The following ADAMTS12 variants were observed in gnomAD, a reference collection of about 807,000 sequenced individuals.
The protein encoded by ADAMTS12 is ADAM metallopeptidase with thrombospondin type 1 motif 12.
ADAMTS12 carries 118 observed loss-of-function variants against 167.8 expected under a neutral mutation model. That is an observed-to-expected ratio of 0.70 (90% CI 0.61 to 0.82). The LOEUF (loss-of-function observed/expected upper bound fraction) is 0.82. ADAMTS12 is among the 40% of genes least tolerant of loss of function. The pLI is 0.00. For missense variants in ADAMTS12, 1,916 were observed against 1,998.8 expected, an observed-to-expected ratio of 0.96 and a Z score of 0.79; for synonymous variants, 704 against 716.9, an observed-to-expected ratio of 0.98 and a Z score of 0.29.
At chr5:33,693,347 C>T (rs10060487) in intron 3 of ADAMTS12, among the ~76,000 whole-genome samples, 6,802 of 152,134 alleles carry the variant, frequency 0.045, 311 homozygotes, top group East Asian at 0.17. Flanking sequence ...GCTGATGAGA[C>T]TTCATTTTTA....
chr5:33,873,341 C>A (rs973793189), intron 2 of ADAMTS12, among the ~76,000 whole-genome samples: 3 of 151,916 alleles, frequency 2.0e-5, no homozygotes, highest in East Asian at 1.9e-4. Context: ...AAATTAAATA[C>A]TTAGATACAT....
chr5:33,864,004 G>A (rs1749718898), intron 2 of ADAMTS12, among the ~76,000 whole-genome samples: 3 of 152,162 alleles, frequency 2.0e-5, no homozygotes, highest in Non-Finnish European at 1.5e-5. Context: ...CTAGCCATAT[G>A]CAGAAAACTG....
chr5:33,762,507 C>CAAAA (rs202200886), intron 2 of ADAMTS12, among the ~76,000 whole-genome samples: 14 of 144,084 alleles, frequency 9.7e-5, no homozygotes, highest in African/African-American at 3.6e-4. Flanking sequence ...GACTCCACCT[C>CAAAA]AAAAAAAAAT....
intron 17 of ADAMTS12, among the ~76,000 whole-genome samples, chr5:33,591,182 G>T (rs187000325): frequency 4.0e-3 from 609 of 151,780 alleles, no homozygotes; most frequent in Middle Eastern, 6.8e-3. Flanking sequence ...CTGTAGTTTG[G>T]ATATGAGTCC....
In ADAMTS12 at chr5:33,524,984, G is replaced by A. The variant is rs1037993654; in HGVS notation, c.*2204C>T. ...GGCCTAGTTTAGTTGGTTGAGGTCA[G>A]TAGGAATCTGAGTTTGTTCCTGAGT... On this transcript the variant is annotated 3_prime_UTR_variant, in exon 24 of 24. Transcript: ENST00000504830. 1 of 152,254 alleles carries A rather than the reference G, an allele frequency of 6.6e-6. No homozygotes were observed. The highest frequency in any genetic ancestry group is 1.5e-5 in the Non-Finnish European group (1 of 68,060). The allele number at this position is 152,254 out of a possible 1,614,324, so 9.4% of individuals were successfully genotyped here.
At chr5:33,822,435 T>C (rs568836221) in intron 2 of ADAMTS12, among the ~76,000 whole-genome samples, 1 of 152,256 alleles carries the variant, frequency 6.6e-6, no homozygotes, top group South Asian at 2.1e-4. Context: ...AGTTTCCTCA[T>C]CTGCAAATGA....
At chr5:33,541,125 TAGAGAAGACC>T (rs1442893497) in intron 22 of ADAMTS12, among the ~76,000 whole-genome samples, 1 of 152,184 alleles carries the variant, frequency 6.6e-6, no homozygotes, top group Non-Finnish European at 1.5e-5. Flanking sequence ...ATAAACAGTG[TAGAGAAGACC>T]TTAAATGACC....
In ADAMTS12 at chr5:33,561,155, C is replaced by A. The variant is rs749864170; in HGVS notation, c.3997G>T (p.Ala1333Ser). 4 of 1,613,980 alleles carry A rather than the reference C, an allele frequency of 2.5e-6. No individual in the cohort carries two copies. Among genetic ancestry groups the A allele is most frequent in the South Asian group, 1.1e-5 (1 of 91,082 alleles). ...CTGCACTCCACCCTTCTCCAGTAGG[C>A]CCCCAGGCCACATGTGGTGGAGCAC... is the stretch of plus-strand genomic sequence containing the variant. Reference protein sequence around the residue: ...SECSTTCGLGAYWRRVECSTQ... With the variant: ...SECSTTCGLGSYWRRVECSTQ... Residue 1333 changes from alanine to serine, a missense_variant, in exon 20 of 24, where the codon GCC (alanine) becomes TCC (serine). By Grantham distance (99) the Ala-to-Ser change is moderately conservative. Coordinates refer to ENST00000504830, the MANE Select transcript of ADAMTS12 (RefSeq NM_030955.4).
rs772113948 is a variant in ADAMTS12, at chr5:33,576,869, G to A, written c.3157C>T (p.Pro1053Ser). 6 of 1,614,080 alleles carry A rather than the reference G, an allele frequency of 3.7e-6. No homozygotes were observed. In the Admixed American group the frequency reaches 6.7e-5, roughly 18 times the overall value. The change falls in exon 19 of 24, where the codon CCT becomes TCT. Residue 1053 changes from proline (P) to serine (S), a missense_variant. Coordinates refer to ENST00000504830, the MANE Select transcript of ADAMTS12 (RefSeq NM_030955.4). ...TSTPAISSPS[P>S]TTASKEGDLG... ...TCTCCTTCTTTGGAGGCTGTGGTAG[G>A]ACTAGGGCTGCTGATTGCTGGAGTG...
intron 17 of ADAMTS12, among the ~76,000 whole-genome samples, chr5:33,591,055 G>T (rs1413240234): frequency 6.7e-6 from 1 of 149,996 alleles, no homozygotes; most frequent in East Asian, 2.0e-4. Context: ...TATTTATGGA[G>T]ATTTTATGTT....
intron 3 of ADAMTS12, among the ~76,000 whole-genome samples, chr5:33,715,948 A>G (rs929241888): frequency 6.6e-6 from 1 of 152,106 alleles, no homozygotes; most frequent in East Asian, 1.9e-4. Context: ...TACTGTTAAT[A>G]AGGGCCCAGG....
At chr5:33,712,543 T>C (rs1292282990) in intron 3 of ADAMTS12, among the ~76,000 whole-genome samples, 2 of 152,058 alleles carry the variant, frequency 1.3e-5, no homozygotes, top group Non-Finnish European at 2.9e-5. Flanking sequence ...AGAGATTCAG[T>C]TGAAGGTACT....
chr5:33,555,580 G>A (rs762970089), intron 20 of ADAMTS12, among the ~76,000 whole-genome samples: 2 of 152,050 alleles, frequency 1.3e-5, no homozygotes, highest in East Asian at 1.9e-4. Context: ...TTCTGAAACC[G>A]GCATGTGTCC....
At chr5:33,883,404 G>A (rs1414511276) in intron 1 of ADAMTS12, among the ~76,000 whole-genome samples, 1 of 147,936 alleles carries the variant, frequency 6.8e-6, no homozygotes, top group Non-Finnish European at 1.5e-5. Flanking sequence ...CTCTGCCTTG[G>A]ATGAAATATG....
At chr5:33,731,190 CTT>C (rs70964414) in intron 3 of ADAMTS12, among the ~76,000 whole-genome samples, 19 of 144,380 alleles carry the variant, frequency 1.3e-4, no homozygotes, top group African/African-American at 1.0e-4. Context: ...TCTTTCTTTT[CTT>C]TTTTTTTTTT....
At chr5:33,682,389 TA>T (rs552551583) in intron 5 of ADAMTS12, among the ~76,000 whole-genome samples, 83 of 152,322 alleles carry the variant, frequency 5.4e-4, no homozygotes, top group African/African-American at 1.9e-3. Flanking sequence ...AGATTTCAAG[TA>T]CTTGGATATG....
chr5:33,697,914 G>A (rs34001351), intron 3 of ADAMTS12, among the ~76,000 whole-genome samples: 52,691 of 152,250 alleles, frequency 0.35, 10,871 homozygotes, highest in Non-Finnish European at 0.47. Context: ...ACCCCTCTGC[G>A]CAAAAGTAAA....
chr5:33,850,680 T>G (rs1006393200), intron 2 of ADAMTS12, among the ~76,000 whole-genome samples: 1 of 152,194 alleles, frequency 6.6e-6, no homozygotes, highest in Non-Finnish European at 1.5e-5. Flanking sequence ...AGGATATTAT[T>G]TCTCACCTTC....
At chr5:33,682,971 G>A in intron 5 of ADAMTS12, 47 bp downstream of exon 5, 2 of 1,510,216 alleles carry the variant, frequency 1.3e-6, no homozygotes, top group Non-Finnish European at 1.8e-6. Context: ...AAAGAAGGTA[G>A]GAAGTGCGAG....
Sources: allele counts gnomAD v4.1 joint callset (sites outside exome capture counted in the v4.1 genomes callset), GRCh38; gene constraint gnomAD v4.1.1; transcripts MANE v1.5; gene names NCBI Gene and HGNC (gene_info 2026-07-23, HGNC 2026-07-21).